The following FRMD6 variants were observed in gnomAD, a reference collection of about 807,000 sequenced individuals.
FRMD6 encodes the protein FERM domain containing 6.
FRMD6 carries 37 observed loss-of-function variants against 73.2 expected under a neutral mutation model. The ratio of observed to expected loss-of-function variants is 0.51; its 90% confidence interval spans 0.39 to 0.66. The LOEUF is 0.66. Ranked by LOEUF, FRMD6 falls within the 30% of genes least tolerant of loss-of-function variation. The probability of loss-of-function intolerance (pLI) is 0.00; values close to 1 mark genes in which losing one functional copy is unlikely to be tolerated. For synonymous variants in FRMD6, 273 were observed against 282.2 expected, an observed-to-expected ratio of 0.97 and a Z score of 0.33; for missense variants, 714 against 780.5, an observed-to-expected ratio of 0.91 and a Z score of 1.02.
At chr14:51,490,731 A>AGCAGAATTCTTAAGGTG (rs1452264094) in intron 1 of FRMD6, among the ~76,000 whole-genome samples, 1 of 152,104 alleles carries the variant, frequency 6.6e-6, no homozygotes, top group African/African-American at 2.4e-5. Flanking sequence ...CAGTTACCGT[A>AGCAGAATTCTTAAGGTG]GCAGAATTCT....
intron 1 of FRMD6, among the ~76,000 whole-genome samples, chr14:51,540,221 G>A (rs925814809): frequency 6.6e-5 from 10 of 152,162 alleles, no homozygotes; most frequent in Admixed American, 2.0e-4. Context: ...CCAAGATATG[G>A]TGGGGCTGCC....
intron 1 of FRMD6, among the ~76,000 whole-genome samples, chr14:51,518,983 C>T (rs1041732179): frequency 1.3e-5 from 2 of 152,068 alleles, no homozygotes; most frequent in African/African-American, 2.4e-5. Context: ...TAATACATAA[C>T]GATTTGTCAG....
chr14:51,454,208 C>T, the FRMD6 span, among the ~76,000 whole-genome samples: 8 of 152,200 alleles, frequency 5.3e-5, no homozygotes, highest in Non-Finnish European at 8.8e-5. Flanking sequence ...AGCGGAGCCA[C>T]GTACACAATG....
chr14:51,451,330 G>C, the FRMD6 span, among the ~76,000 whole-genome samples: 12 of 152,144 alleles, frequency 7.9e-5, no homozygotes, highest in African/African-American at 2.9e-4. Flanking sequence ...TCTCATGAAG[G>C]GCTTTGTGCC....
Position 51,722,098 on chromosome 14 carries a change from G to T in FRMD6, c.1492+18G>T, listed in dbSNP as rs766662147. On this transcript the variant is annotated intron_variant, in intron 12 of 13. Transcript: ENST00000344768. ...ACACTCTGGTGAGCTCTTACGGGAA[G>T]TTATTCTTCCTTGGTAGCAGGTTAT... 3.7e-6 allele frequency: 6 copies of T among 1,612,990 alleles called. No individual in the cohort carries two copies. In the Admixed American group the frequency reaches 1.0e-4, roughly 27 times the overall value.
the FRMD6 span, among the ~76,000 whole-genome samples, chr14:51,428,177 G>A: frequency 1.3e-5 from 2 of 152,146 alleles, no homozygotes; most frequent in South Asian, 2.1e-4. Context: ...GAACACTAAA[G>A]GTGCCAGGTG....
intron 1 of FRMD6, among the ~76,000 whole-genome samples, chr14:51,547,408 C>T (rs770522608): frequency 6.6e-6 from 1 of 152,158 alleles, no homozygotes; most frequent in African/African-American, 2.4e-5. Context: ...TGATTCCTAA[C>T]CCTCCTCATG....
chr14:51,494,830 A>C (rs1204517787), intron 1 of FRMD6, among the ~76,000 whole-genome samples: 1 of 152,188 alleles, frequency 6.6e-6, no homozygotes, highest in African/African-American at 2.4e-5. Context: ...GTCTTGGACA[A>C]TAGGTCCTGG....
intron 1 of FRMD6, among the ~76,000 whole-genome samples, chr14:51,513,569 A>G (rs1305128307): frequency 1.3e-5 from 2 of 152,090 alleles, no homozygotes; most frequent in Non-Finnish European, 2.9e-5. Flanking sequence ...TTATGCTCCC[A>G]GAGAAAATGA....
At chr14:51,441,064 G>C in the FRMD6 span, among the ~76,000 whole-genome samples, 183 of 152,324 alleles carry the variant, frequency 1.2e-3, no homozygotes, top group African/African-American at 3.8e-3. Context: ...ATTGCCAAAT[G>C]CCTCCTTGGG....
At chr14:51,412,996 T>C in the FRMD6 span, among the ~76,000 whole-genome samples, 1 of 149,178 alleles carries the variant, frequency 6.7e-6, no homozygotes, top group East Asian at 2.0e-4. Context: ...TTAAATTTTT[T>C]TTTTTTTTTT....
the FRMD6 span, among the ~76,000 whole-genome samples, chr14:51,449,845 G>A: frequency 3.3e-5 from 5 of 152,236 alleles, no homozygotes; most frequent in South Asian, 1.0e-3. Context: ...CCACATAGGG[G>A]AACAGATGGC....
the FRMD6 span, among the ~76,000 whole-genome samples, chr14:51,469,379 C>G: frequency 6.7e-6 from 1 of 149,624 alleles, no homozygotes; most frequent in African/African-American, 2.4e-5. Flanking sequence ...TTTGGGAGGC[C>G]GAGGCGGGCG....
At chr14:51,608,035 C>A (rs1177165515) in intron 2 of FRMD6, among the ~76,000 whole-genome samples, 3 of 134,356 alleles carry the variant, frequency 2.2e-5, no homozygotes, top group Non-Finnish European at 5.1e-5. Flanking sequence ...TAACACAAAA[C>A]AGAAGAAAAC....
At chr14:51,524,981 T>C (rs1032045183) in intron 1 of FRMD6, among the ~76,000 whole-genome samples, 6 of 76,380 alleles carry the variant, frequency 7.9e-5, no homozygotes, top group African/African-American at 3.2e-4. Flanking sequence ...TATCTCTCTA[T>C]TAAAAAACAC....
intron 11 of FRMD6, among the ~76,000 whole-genome samples, 183 bp from the exon 12 acceptor site, chr14:51,721,766 G>GGAGGGAAGGAGGGAAGGAAGGAAA (rs1340333660): frequency 1.3e-5 from 2 of 148,170 alleles, no homozygotes; most frequent in Non-Finnish European, 3.0e-5. Flanking sequence ...AAGGAGGGAA[G>GGAGGGAAGGAGGGAAGGAAGGAAA]GAGGGAAGGA....
At chr14:51,487,693 A>G (rs377000929), upstream of FRMD6, among the ~76,000 whole-genome samples, 4 of 152,246 alleles carry the variant, frequency 2.6e-5, no homozygotes, top group Admixed American at 1.3e-4. Context: ...AAAGGATGAA[A>G]GATTTTTAAA....
intron 1 of FRMD6, among the ~76,000 whole-genome samples, chr14:51,562,572 A>T (rs971809126): frequency 2.6e-5 from 4 of 152,116 alleles, no homozygotes; most frequent in African/African-American, 9.7e-5. Flanking sequence ...TCTCCAGTTT[A>T]TTTCTTGGCA....
chr14:51,479,999 G>A, the FRMD6 span, among the ~76,000 whole-genome samples: 617 of 152,304 alleles, frequency 4.1e-3, 7 homozygotes, highest in African/African-American at 0.013. Flanking sequence ...GATACTATAA[G>A]CAATTAATTG....
Sources: allele counts gnomAD v4.1 joint callset (sites outside exome capture counted in the v4.1 genomes callset), GRCh38; gene constraint gnomAD v4.1.1; transcripts MANE v1.5; gene names NCBI Gene and HGNC (gene_info 2026-07-23, HGNC 2026-07-21).